The following RADIL variants were observed in gnomAD, a reference collection of about 807,000 sequenced individuals.
The protein encoded by RADIL is Rap associating with DIL domain.
In RADIL, 99 loss-of-function variants were observed where a neutral mutation model predicts 97.6. That is an observed-to-expected ratio of 1.01 (90% CI 0.86 to 1.20). The LOEUF (loss-of-function observed/expected upper bound fraction) is 1.20, where lower values mean the gene tolerates loss of function less well. Among genes scored for constraint, RADIL ranks in the 50% most tolerant of loss-of-function variants. RADIL has a pLI of 0.00. For missense variants in RADIL, 1,765 were observed against 1,498.9 expected, an observed-to-expected ratio of 1.18 and a Z score of -2.93; for synonymous variants, 803 against 691.8, an observed-to-expected ratio of 1.16 and a Z score of -2.52.
In RADIL at chr7:4,840,695, G is replaced by A. The variant is rs1196108756; in HGVS notation, c.536-4090C>T. Among the ~76,000 whole-genome samples the A allele has an allele frequency of 5.3e-5, 8 of 152,174 alleles. No individual in the cohort carries two copies. Among genetic ancestry groups the A allele is most frequent in the African/African-American group, 1.7e-4 (7 of 41,440 alleles). ...AAGAAACCACTATTTCTGGCCGGGC[G>A]CGGTGGCTCACGCCTGTAATCCCAG... On this transcript the variant is annotated intron_variant, in intron 2 of 14. Coordinates refer to ENST00000399583, the MANE Select transcript of RADIL (RefSeq NM_018059.5). This position sits in a 1 kb window ranked among gnomAD's most constrained non-coding sequence, Gnocchi z 5.6.
chr7:4,809,468 C>T, intron 9 of RADIL: 3 of 985,396 alleles, frequency 3.0e-6, no homozygotes, highest in Non-Finnish European at 2.4e-6. Context: ...AACGAATTTC[C>T]CCCGAGGAAC....
intron 9 of RADIL, chr7:4,809,353 A>G (rs2115176281): frequency 1.0e-6 from 1 of 985,264 alleles, no homozygotes; most frequent in Non-Finnish European, 1.2e-6. Flanking sequence ...TCAACGTTCT[A>G]GAAATATCCC....
At position 4,813,144 on chromosome 7, in the gene RADIL, T is replaced by TC. The variant is rs1320111447; in HGVS notation, c.2139+2133dup. On this transcript the variant is annotated intron_variant, in intron 9 of 14. Coordinates refer to ENST00000399583, the MANE Select transcript of RADIL (RefSeq NM_018059.5). This position sits in a 1 kb window ranked among gnomAD's most constrained non-coding sequence, Gnocchi z 5.0. ...TTTCTTTCTTTCATAGTTGAGGTCT[T>TC]CCTCTGTTGCCCAGGCTGGAGTGCA... Among the ~76,000 whole-genome samples, 2 of 151,662 alleles carry TC rather than the reference T, an allele frequency of 1.3e-5. No individual in the cohort carries two copies. The highest frequency in any genetic ancestry group is 2.9e-5 in the Non-Finnish European group (2 of 67,910).
intron 11 of RADIL, among the ~76,000 whole-genome samples, chr7:4,802,723 C>T (rs1186330640): frequency 3.5e-5 from 4 of 113,714 alleles, no homozygotes; most frequent in African/African-American, 1.1e-4. Context: ...CCAGGCACCT[C>T]GGGGCACGCT....
chr7:4,866,167 G>A (rs949654785), intron 2 of RADIL, among the ~76,000 whole-genome samples: 3 of 152,138 alleles, frequency 2.0e-5, no homozygotes, highest in African/African-American at 7.2e-5. Flanking sequence ...TGTTTTAAGA[G>A]ATAAGGTCTC....
chr7:4,865,500 C>T (rs544598304), intron 2 of RADIL: 1 of 782,224 alleles, frequency 1.3e-6, no homozygotes, highest in Admixed American at 1.7e-5. Context: ...ACTCTCTTTG[C>T]TGTTAGCAAC....
chr7:4,861,560 T>C (rs3750010), intron 2 of RADIL: 196,437 of 1,613,624 alleles, frequency 0.12, 13,651 homozygotes, highest in African/African-American at 0.28. Context: ...GGGAAGACTC[T>C]TGCTTTCACT....
At position 4,818,838 on chromosome 7, in the gene RADIL, G is replaced by A. The variant is rs1029655614; in HGVS notation, c.1616-1487C>T. ...GAAACGGGGCATGGGAATGACAGGAGAAGGTGGCAGGGACTGTGCTGAATG... is the reference window on the plus strand; with the variant it reads ...GAAACGGGGCATGGGAATGACAGGAAAAGGTGGCAGGGACTGTGCTGAATG... On this transcript the variant is annotated intron_variant, in intron 6 of 14. Coordinates refer to ENST00000399583, the MANE Select transcript of RADIL (RefSeq NM_018059.5). The surrounding 1 kb of genome is among the most constrained non-coding windows in gnomAD (Gnocchi z 7.1). 3.9e-5 allele frequency among the ~76,000 whole-genome samples: 6 copies of A among 152,176 alleles called. No individual in the cohort carries two copies. The highest frequency in any genetic ancestry group is 1.4e-4 in the African/African-American group (6 of 41,444).
rs1782738123 is a variant in RADIL, at chr7:4,818,480, CCAGTGCCTGCCCCA to C, written c.1616-1143_1616-1130del. Among the ~76,000 whole-genome samples the C allele has an allele frequency of 1.3e-5, 2 of 152,212 alleles. No homozygotes were observed. Among genetic ancestry groups the C allele is most frequent in the African/African-American group, 2.4e-5 (1 of 41,458 alleles). On this transcript the variant is annotated intron_variant, in intron 6 of 14. Coordinates refer to ENST00000399583, the MANE Select transcript of RADIL (RefSeq NM_018059.5). The surrounding 1 kb of genome is among the most constrained non-coding windows in gnomAD (Gnocchi z 7.1). ...GCTCCCCAAGAACCTGTGAAGCCCC[CCAGTGCCTGCCCCA>C]CAGGGTCACATCTGGGAACCAGGCA... is the stretch of plus-strand genomic sequence containing the variant.
Position 4,834,689 on chromosome 7 carries a change from T to A in RADIL, c.1334A>T (p.Gln445Leu), listed in dbSNP as rs554833072. 1 of 1,393,116 alleles carries A rather than the reference T, an allele frequency of 7.2e-7. No homozygotes were observed. The allele number at this position is 1,393,116 out of a possible 1,614,324, so 86.3% of individuals were successfully genotyped here. A position where few individuals can be genotyped will look rare whatever the true frequency, so the allele number is the denominator to read the frequency against. Residue 445 changes from glutamine (Q) to leucine (L), a missense_variant, in exon 4 of 15, where the codon CAG (glutamine) becomes CTG (leucine). Transcript: ENST00000399583. The surrounding 1 kb of genome is among the most constrained non-coding windows in gnomAD (Gnocchi z 6.0). ...CGGCTGGAAGTGGGTGGCCGAGTGCTGGATGCAGAGGCACAGGAGGAAGGC... is the reference window on the plus strand; with the variant it reads ...CGGCTGGAAGTGGGTGGCCGAGTGCAGGATGCAGAGGCACAGGAGGAAGGC... ...TPAFLLCLCI[Q>L]HSATHFQPGT...
chr7:4,874,473 C>G (rs1364424666), intron 2 of RADIL, among the ~76,000 whole-genome samples: 2 of 152,334 alleles, frequency 1.3e-5, no homozygotes, highest in East Asian at 3.9e-4. Context: ...TGCTCCATCT[C>G]AAACCACCCG....
chr7:4,809,273 G>T, intron 9 of RADIL: 3 of 985,368 alleles, frequency 3.0e-6, no homozygotes, highest in Non-Finnish European at 3.6e-6. Flanking sequence ...AGAGGCCGGG[G>T]CCCCCCTTCC....
chr7:4,832,066 C>G, intron 5 of RADIL, 75 bp downstream of exon 5: 2 of 1,527,072 alleles, frequency 1.3e-6, no homozygotes, highest in East Asian at 2.3e-5. Context: ...CCCCTCGGGA[C>G]TTGGCTCCCC....
intron 2 of RADIL, among the ~76,000 whole-genome samples, chr7:4,869,974 A>G (rs1349520430): frequency 6.6e-6 from 1 of 152,200 alleles, no homozygotes; most frequent in Non-Finnish European, 1.5e-5. Context: ...CTACCAAAAA[A>G]AATAAAATAA....
intron 2 of RADIL, chr7:4,861,438 CAT>C (rs866640925): frequency 1.2e-6 from 2 of 1,614,052 alleles, no homozygotes; most frequent in Middle Eastern, 1.6e-4. Context: ...CTTCGATCCA[CAT>C]GACTTGGTGC....
At position 4,813,876 on chromosome 7, in the gene RADIL, C is replaced by T. The variant is rs1202505732; in HGVS notation, c.2139+1402G>A. ...ATCTTGACATCGGTGTCCAGAGGTA[C>T]CTGGTGCCACCAATTCCTGAGCCTC... is the stretch of plus-strand genomic sequence containing the variant. On this transcript the variant is annotated intron_variant, in intron 9 of 14. Transcript: ENST00000399583. The surrounding 1 kb of genome is among the most constrained non-coding windows in gnomAD (Gnocchi z 5.0). 6.6e-6 allele frequency among the ~76,000 whole-genome samples: 1 copy of T among 152,156 alleles called. No homozygotes were observed.
chr7:4,802,434 G>A (rs1392252223), intron 11 of RADIL, among the ~76,000 whole-genome samples: 212 of 132,482 alleles, frequency 1.6e-3, no homozygotes, highest in African/African-American at 5.6e-3. Flanking sequence ...CTCGGGGCAC[G>A]CTGGCTGGGC....
chr7:4,878,240 C>T lies in RADIL; in HGVS notation c.-64-37G>A. ...AGTGAGAGAGGTTAGCGCCAACCAT[C>T]GTGACCACCAAGAGCAAATGAGGCC... On this transcript the variant is annotated intron_variant, in intron 1 of 14. Coordinates refer to ENST00000399583, the MANE Select transcript of RADIL (RefSeq NM_018059.5). The surrounding 1 kb of genome is among the most constrained non-coding windows in gnomAD (Gnocchi z 4.1). 3 of 1,293,016 alleles carry T rather than the reference C, an allele frequency of 2.3e-6. No homozygotes were observed. Among genetic ancestry groups the T allele is most frequent in the Non-Finnish European group, 3.1e-6 (3 of 968,854 alleles). 80.1% of individuals were successfully genotyped at this position (1,293,016 alleles called of 1,614,324 possible). A position where few individuals can be genotyped will look rare whatever the true frequency, so the allele number is the denominator to read the frequency against.
intron 9 of RADIL, among the ~76,000 whole-genome samples, chr7:4,810,894 G>A (rs1782525513): frequency 6.6e-6 from 1 of 152,216 alleles, no homozygotes; most frequent in African/African-American, 2.4e-5. Context: ...CCAGCACTTT[G>A]GGAATCTGAG....
Sources: allele counts gnomAD v4.1 joint callset (sites outside exome capture counted in the v4.1 genomes callset), GRCh38; gene constraint gnomAD v4.1.1; non-coding constraint Gnocchi (gnomAD v3.1); transcripts MANE v1.5; gene names NCBI Gene and HGNC (gene_info 2026-07-23, HGNC 2026-07-21).